Variants in ATP8A2 observed in about 807,000 individuals in gnomAD.
ATP8A2 encodes ATPase phospholipid transporting 8A2, also known as phospholipid-transporting ATPase IB.
Under a neutral mutation model 165.6 loss-of-function variants are expected in ATP8A2, and 100 were observed. The ratio of observed to expected loss-of-function variants is 0.60; its 90% CI spans 0.51 to 0.71. The LOEUF is 0.71. Ranked by LOEUF, ATP8A2 falls within the 30% of genes least tolerant of loss-of-function variation. The pLI, the probability that ATP8A2 is intolerant of heterozygous loss-of-function variation, is 0.00. For synonymous variants in ATP8A2, 543 were observed against 548.8 expected (o/e 0.99, Z 0.15); for missense variants, 1,227 against 1,479.5 (o/e 0.83, Z 2.80).
At chr13:25,911,819 G>T (rs1954114081) in intron 33 of ATP8A2, among the ~76,000 whole-genome samples, 1 of 152,266 alleles carries the variant, frequency 6.6e-6, no homozygotes, top group African/African-American at 2.4e-5. Flanking sequence ...ATCCCAACTT[G>T]CTAGAAATCT....
At chr13:25,898,571 A>T (rs1037305083) in intron 33 of ATP8A2, among the ~76,000 whole-genome samples, 1 of 152,180 alleles carries the variant, frequency 6.6e-6, no homozygotes, top group Non-Finnish European at 1.5e-5. Flanking sequence ...AGGGACATTT[A>T]AGTCTGCAGA....
intron 1 of ATP8A2, among the ~76,000 whole-genome samples, chr13:25,403,271 C>T (rs2033696745): frequency 6.6e-6 from 1 of 152,160 alleles, no homozygotes; most frequent in African/African-American, 2.4e-5. Flanking sequence ...TCTTGATCTT[C>T]CCTGCCTCCA....
chr13:25,875,306 G>A (rs547604837), intron 33 of ATP8A2, among the ~76,000 whole-genome samples: 7 of 149,576 alleles, frequency 4.7e-5, no homozygotes, highest in African/African-American at 1.5e-4. Flanking sequence ...GCTTCTCTCT[G>A]TAAACTGGAA....
Position 25,512,619 on chromosome 13 carries a change from G to A in ATP8A2, c.222-17380G>A, listed in dbSNP as rs574731113. 7.5e-4 allele frequency among the ~76,000 whole-genome samples: 111 copies of A among 147,760 alleles called. 4 individuals carry two copies. In the South Asian group the frequency reaches 0.017, roughly 22 times the overall value. Reference sequence around the variant, plus strand: ...GCGCCCCTCACCTCCCGGACGGGGAGGCTGGCTGGGCGGGGGGCTGACCCC... The same window carrying A: ...GCGCCCCTCACCTCCCGGACGGGGAAGCTGGCTGGGCGGGGGGCTGACCCC... On this transcript the variant is annotated intron_variant, in intron 2 of 36. Transcript: ENST00000381655.
chr13:25,593,644 T>C (rs1348049748), intron 24 of ATP8A2, among the ~76,000 whole-genome samples: 1 of 152,204 alleles, frequency 6.6e-6, no homozygotes, highest in African/African-American at 2.4e-5. Flanking sequence ...CAATTTTTTT[T>C]CCTGGCACAC....
intron 33 of ATP8A2, among the ~76,000 whole-genome samples, chr13:25,865,279 C>T (rs1051670880): frequency 2.6e-5 from 4 of 152,180 alleles, no homozygotes; most frequent in African/African-American, 9.6e-5. Context: ...TTTAAAATGA[C>T]TGTTTGAAGA....
At chr13:25,719,731 G>T (rs1352824269) in intron 25 of ATP8A2, among the ~76,000 whole-genome samples, 2 of 152,230 alleles carry the variant, frequency 1.3e-5, no homozygotes, top group East Asian at 3.9e-4. Context: ...TAGCCTGTCA[G>T]AATCACTTAT....
At chr13:26,003,349 A>G (rs1956674244) in intron 35 of ATP8A2, among the ~76,000 whole-genome samples, 3 of 60,178 alleles carry the variant, frequency 5.0e-5, no homozygotes, top group African/African-American at 1.8e-4. Context: ...ATGTCTATTC[A>G]GGTCCTTTGT....
At chr13:25,704,813 A>G (rs1261401067) in intron 25 of ATP8A2, among the ~76,000 whole-genome samples, 1 of 152,162 alleles carries the variant, frequency 6.6e-6, no homozygotes, top group Non-Finnish European at 1.5e-5. Flanking sequence ...AAATTATATC[A>G]TGTTGTCTGT....
rs1448971884 is a variant in ATP8A2, at chr13:25,971,183, AT to A, written c.3377+2507del. 2.0e-5 allele frequency among the ~76,000 whole-genome samples: 3 copies of A among 149,758 alleles called. No individual in the cohort carries two copies. The East Asian group carries it at 5.9e-4, about 30-fold the overall frequency. On this transcript the variant is annotated intron_variant, in intron 35 of 36. Transcript: ENST00000381655. Reference sequence around the variant, plus strand: ...TCATCCTCCTCAGTGACCCCCTCCCATTTGTTTTTCTCACTCCTAATTACTC... The same window carrying A: ...TCATCCTCCTCAGTGACCCCCTCCCATTGTTTTTCTCACTCCTAATTACTC...
chr13:25,627,801 C>T (rs990480951), intron 24 of ATP8A2, among the ~76,000 whole-genome samples: 1 of 152,184 alleles, frequency 6.6e-6, no homozygotes, highest in African/African-American at 2.4e-5. Context: ...TTGGTGAGGC[C>T]ACTCTGGCTG....
At chr13:25,922,795 C>T (rs868757811) in intron 33 of ATP8A2, among the ~76,000 whole-genome samples, 42 of 152,292 alleles carry the variant, frequency 2.8e-4, no homozygotes, top group Middle Eastern at 6.8e-3. Flanking sequence ...ACATTTGTTG[C>T]TCATCTGTTT....
intron 2 of ATP8A2, among the ~76,000 whole-genome samples, chr13:25,512,887 C>T (rs558043852): frequency 2.0e-3 from 289 of 142,330 alleles, no homozygotes; most frequent in South Asian, 9.9e-3. Flanking sequence ...ACCTCCCGGA[C>T]GGGGTGGCTG....
intron 2 of ATP8A2, among the ~76,000 whole-genome samples, chr13:25,512,483 G>C (rs570142866): frequency 6.6e-6 from 1 of 151,860 alleles, no homozygotes; most frequent in Non-Finnish European, 1.5e-5. Flanking sequence ...CTCATCTCCC[G>C]GACGGGGCGG....
At chr13:25,502,508 A>G (rs1182402756) in intron 2 of ATP8A2, among the ~76,000 whole-genome samples, 1 of 152,184 alleles carries the variant, frequency 6.6e-6, no homozygotes, top group Non-Finnish European at 1.5e-5. Context: ...AATGAAAGTG[A>G]TTCAGAATCT....
At chr13:25,511,399 T>A (rs1195802885) in intron 2 of ATP8A2, among the ~76,000 whole-genome samples, 2 of 152,216 alleles carry the variant, frequency 1.3e-5, no homozygotes, top group Non-Finnish European at 2.9e-5. Context: ...TGTAGATGTG[T>A]TGCTGTAAAG....
chr13:25,464,566 C>A (rs766142605), intron 1 of ATP8A2, among the ~76,000 whole-genome samples: 2 of 152,048 alleles, frequency 1.3e-5, no homozygotes, highest in Non-Finnish European at 2.9e-5. Context: ...CAGAAATGGT[C>A]CCTACCAGTT....
At chr13:25,790,787 C>T (rs933106428) in intron 27 of ATP8A2, among the ~76,000 whole-genome samples, 1 of 151,200 alleles carries the variant, frequency 6.6e-6, no homozygotes, top group Non-Finnish European at 1.5e-5. Flanking sequence ...TAAAGCTCAA[C>T]ATCACAGATC....
At chr13:25,966,621 G>A (rs1347177712) in intron 34 of ATP8A2, among the ~76,000 whole-genome samples, 2 of 152,172 alleles carry the variant, frequency 1.3e-5, no homozygotes, top group Non-Finnish European at 1.5e-5. Flanking sequence ...CTAAACTAGT[G>A]GAAATAGTAT....
Sources: gnomAD v4.1 joint callset for allele counts (sites outside exome capture counted in the v4.1 genomes callset) on GRCh38, gnomAD v4.1.1 for gene constraint, MANE v1.5 for transcripts, NCBI Gene and HGNC (gene_info 2026-07-23, HGNC 2026-07-21) for gene names.